The following RASA3 variants were observed in gnomAD, a reference collection of about 807,000 sequenced individuals.
RASA3 encodes the protein RAS p21 protein activator 3.
RASA3 carries 73 observed loss-of-function variants against 110.0 expected under a neutral mutation model. The observed-to-expected ratio is 0.66, with a 90% confidence interval of 0.55 to 0.81. The LOEUF (loss-of-function observed/expected upper bound fraction) is 0.81, where lower values mean the gene tolerates loss of function less well. RASA3 is among the 30% of genes least tolerant of loss of function. The pLI is 0.00. For missense variants in RASA3, 976 were observed against 1,113.2 expected (o/e 0.88, Z 1.75); for synonymous variants, 500 against 451.4 (o/e 1.11, Z -1.37).
At chr13:114,127,682 A>G (rs1045305716) in intron 1 of RASA3, among the ~76,000 whole-genome samples, 5 of 152,206 alleles carry the variant, frequency 3.3e-5, no homozygotes. Flanking sequence ...TTGAAGCAGG[A>G]AGATCCCTTG....
intron 20 of RASA3, among the ~76,000 whole-genome samples, chr13:113,998,340 C>G (rs1160084671): frequency 6.6e-6 from 1 of 152,232 alleles, no homozygotes; most frequent in Non-Finnish European, 1.5e-5. Context: ...AAATTACTCT[C>G]CAAACTTATG....
chr13:114,045,927 G>C (rs75161146), intron 3 of RASA3, among the ~76,000 whole-genome samples: 1 of 99,916 alleles, frequency 1.0e-5, no homozygotes, highest in East Asian at 2.8e-4. Context: ...GAGAGAAATT[G>C]GAAAGACCCA....
chr13:114,122,445 C>A (rs2080390830), intron 1 of RASA3, among the ~76,000 whole-genome samples: 1 of 152,162 alleles, frequency 6.6e-6, no homozygotes, highest in Non-Finnish European at 1.5e-5. Context: ...TCAGTCTGAC[C>A]CCAGCCTTGG....
intron 1 of RASA3, among the ~76,000 whole-genome samples, chr13:114,111,869 A>T (rs1290888917): frequency 6.6e-6 from 1 of 152,238 alleles, no homozygotes; most frequent in Non-Finnish European, 1.5e-5. Flanking sequence ...CGGCGCTTCC[A>T]GAGGATCATC....
intron 4 of RASA3, among the ~76,000 whole-genome samples, chr13:114,033,690 C>T (rs1246863956): frequency 5.3e-5 from 8 of 152,154 alleles, no homozygotes; most frequent in Admixed American, 5.2e-4. Flanking sequence ...CACGGCACCC[C>T]CACACTTGAC....
chr13:114,108,266 ACCCCGTGTCTGTCATCCCCGTCCG>A (rs2080164233), intron 1 of RASA3, among the ~76,000 whole-genome samples: 2 of 27,128 alleles, frequency 7.4e-5, no homozygotes, highest in South Asian at 1.5e-3. Flanking sequence ...TGCATCCGTC[ACCCCGTGTCTGTCATCCCCGTCCG>A]TCACCCCATG....
intron 22 of RASA3, among the ~76,000 whole-genome samples, chr13:113,983,130 T>C (rs2052974588): frequency 1.4e-5 from 2 of 145,042 alleles, no homozygotes; most frequent in South Asian, 4.8e-4. Context: ...ATGGCTGCCA[T>C]GAATGTCCTT....
At position 113,980,243 on chromosome 13, in the gene RASA3, CCAT is replaced by C. The variant is rs1488007225; in HGVS notation, c.2430-824_2430-822del. ...GCACCTCCTGCTGTGTGCGCCTCCT[CCAT>C]GTGTGCCTTCTCCCACATGTGCGCA... On this transcript the variant is annotated intron_variant, in intron 23 of 23. Transcript: ENST00000334062. Among the ~76,000 whole-genome samples, 20 of 142,596 alleles carry C rather than the reference CCAT, an allele frequency of 1.4e-4. 1 individual carries two copies. The highest frequency in any genetic ancestry group is 7.0e-5 in the Admixed American group (1 of 14,284). 93.5% of individuals were successfully genotyped at this position (142,596 alleles called of 152,430 possible).
chr13:114,019,638 G>C (rs1014140606), intron 9 of RASA3, among the ~76,000 whole-genome samples: 2 of 151,582 alleles, frequency 1.3e-5, no homozygotes, highest in Admixed American at 1.3e-4. Context: ...CTGTCAGGTA[G>C]GTGGAGCCTG....
At chr13:114,116,333 C>T (rs1007784587) in intron 1 of RASA3, among the ~76,000 whole-genome samples, 1 of 152,088 alleles carries the variant, frequency 6.6e-6, no homozygotes, top group Non-Finnish European at 1.5e-5. Flanking sequence ...TCACTATTAA[C>T]CTAGAGACCC....
chr13:114,117,996 C>T (rs905531494), intron 1 of RASA3, among the ~76,000 whole-genome samples: 2 of 148,366 alleles, frequency 1.3e-5, no homozygotes, highest in African/African-American at 2.6e-5. Context: ...TGGATGTTGC[C>T]GTGTGCACGT....
At chr13:114,061,361 C>G (rs2139612164) in intron 2 of RASA3, among the ~76,000 whole-genome samples, 1 of 152,054 alleles carries the variant, frequency 6.6e-6, no homozygotes, top group East Asian at 1.9e-4. Context: ...TCTAAAAACC[C>G]CAGGCGCCCA....
At position 113,979,940 on chromosome 13, in the gene RASA3, T is replaced by G. The variant is rs368758235; in HGVS notation, c.2430-518A>C. On this transcript the variant is annotated intron_variant, in intron 23 of 23. Transcript: ENST00000334062. ...CGTGCCTACCACCTCCATGTGTGCA[T>G]CTCCTCCCACGTGTGTGCACCTCCT... is the stretch of plus-strand genomic sequence containing the variant. 3.5e-4 allele frequency among the ~76,000 whole-genome samples: 51 copies of G among 147,804 alleles called. 1 individual carries two copies. The East Asian group carries it at 3.5e-3, about 10-fold the overall frequency.
intron 1 of RASA3, among the ~76,000 whole-genome samples, chr13:114,083,511 CT>C (rs2079814709): frequency 6.8e-6 from 1 of 147,944 alleles, no homozygotes; most frequent in Non-Finnish European, 1.5e-5. Flanking sequence ...ACAGGAAGTG[CT>C]GAGTCTGGAG....
Position 114,040,621 on chromosome 13 carries a change from C to T in RASA3, c.372+379G>A, listed in dbSNP as rs565319325. Among the ~76,000 whole-genome samples the T allele has an allele frequency of 2.0e-4, 27 of 136,440 alleles. 1 individual carries two copies. The highest frequency in any genetic ancestry group is 9.5e-4 in the South Asian group (4 of 4,190). 89.5% of individuals were successfully genotyped at this position (136,440 alleles called of 152,430 possible). A position where few individuals can be genotyped will look rare whatever the true frequency, so the allele number is the denominator to read the frequency against. Reference sequence around the variant, plus strand: ...CGCGCTCACTCCGAGCACAAGCGGGCGAACACGCACAACCCAAAATCCATG... The same window carrying T: ...CGCGCTCACTCCGAGCACAAGCGGGTGAACACGCACAACCCAAAATCCATG... On this transcript the variant is annotated intron_variant, in intron 4 of 23. Coordinates refer to ENST00000334062, the MANE Select transcript of RASA3 (RefSeq NM_007368.4).
intron 3 of RASA3, among the ~76,000 whole-genome samples, chr13:114,051,279 G>A (rs971406337): frequency 2.6e-5 from 4 of 152,180 alleles, no homozygotes; most frequent in East Asian, 1.9e-4. Context: ...CTCCCCGGCC[G>A]CCCGTCCTGG....
At chr13:114,041,757 A>G (rs1432436102) in intron 3 of RASA3, among the ~76,000 whole-genome samples, 2 of 152,276 alleles carry the variant, frequency 1.3e-5, no homozygotes, top group African/African-American at 2.4e-5. Context: ...ACTGAGAGCC[A>G]GAATGAGCTG....
chr13:113,993,230 C>T (rs941023654), intron 21 of RASA3, among the ~76,000 whole-genome samples: 2 of 152,120 alleles, frequency 1.3e-5, no homozygotes, highest in Non-Finnish European at 2.9e-5. Context: ...GGCTGGAGCG[C>T]GGTGGCACGA....
chr13:114,080,372 T>C (rs1310347735), intron 1 of RASA3, among the ~76,000 whole-genome samples: 2 of 152,052 alleles, frequency 1.3e-5, no homozygotes, highest in African/African-American at 2.4e-5. Context: ...ACTCACTGGG[T>C]GACACCACCT....
Sources: allele counts gnomAD v4.1 joint callset (sites outside exome capture counted in the v4.1 genomes callset), GRCh38; gene constraint gnomAD v4.1.1; transcripts MANE v1.5; gene names NCBI Gene and HGNC (gene_info 2026-07-23, HGNC 2026-07-21).